IQCH: variants seen among roughly 807,000 people sequenced by gnomAD.
IQCH encodes IQ domain-containing protein H.
In IQCH, 98 loss-of-function variants were observed where a neutral mutation model predicts 117.0. That is an observed-to-expected ratio of 0.84 (90% CI 0.71 to 0.99). The LOEUF is 0.99. Ranked by LOEUF, IQCH falls within the 50% of genes least tolerant of loss-of-function variation. The pLI is 0.00. For synonymous variants in IQCH, 412 were observed against 448.2 expected (o/e 0.92, Z 1.02); for missense variants, 1,102 against 1,243.8 (o/e 0.89, Z 1.72).
intron 4 of IQCH, among the ~76,000 whole-genome samples, chr15:67,287,209 G>A (rs1966596945): frequency 6.6e-6 from 1 of 152,114 alleles, no homozygotes; most frequent in Admixed American, 6.6e-5. Flanking sequence ...TATTCATCAG[G>A]GATATTGGCC....
intron 4 of IQCH, among the ~76,000 whole-genome samples, chr15:67,309,503 T>G (rs180785540): frequency 2.0e-5 from 3 of 152,216 alleles, no homozygotes; most frequent in Admixed American, 2.0e-4. Context: ...CCCTCCTCTG[T>G]CTAGTCTCTG....
intron 10 of IQCH, among the ~76,000 whole-genome samples, chr15:67,382,087 G>A (rs968452566): frequency 6.6e-6 from 1 of 152,134 alleles, no homozygotes; most frequent in Non-Finnish European, 1.5e-5. Context: ...ATAGCTAAGA[G>A]TCTGGTTACA....
At chr15:67,281,092 C>T (rs1017136134) in intron 4 of IQCH, among the ~76,000 whole-genome samples, 1 of 152,152 alleles carries the variant, frequency 6.6e-6, no homozygotes, top group Non-Finnish European at 1.5e-5. Flanking sequence ...GATCCACCCG[C>T]CTTGGCCTCC....
rs1250285701 is a variant in IQCH at position 67,430,575 on chromosome 15, A to AT, written c.2505+9006dup. On this transcript the variant is annotated intron_variant, in intron 16 of 20. Coordinates refer to ENST00000335894, the MANE Select transcript of IQCH (RefSeq NM_001031715.3). This position sits in a 1 kb window ranked among gnomAD's most constrained non-coding sequence, Gnocchi z 5.1. The stretch of plus-strand genomic sequence containing the variant: ...CTTTAGAAAATGTACTAGGCCTTGA[A>AT]TTTTTTTTACCTCTTCATAATGTCT... Among the ~76,000 whole-genome samples, 48 of 152,040 alleles carry AT rather than the reference A, an allele frequency of 3.2e-4. No individual in the cohort carries two copies. The highest frequency in any genetic ancestry group is 2.9e-5 in the Non-Finnish European group (2 of 67,960).
intron 1 of IQCH, 180 bp downstream of exon 1, chr15:67,255,127 G>A: frequency 1.5e-6 from 1 of 649,632 alleles, no homozygotes; most frequent in Non-Finnish European, 2.8e-6. Flanking sequence ...GCACACTCCC[G>A]GTGACTTACC....
intron 10 of IQCH, among the ~76,000 whole-genome samples, chr15:67,374,456 A>T (rs1970670608): frequency 6.6e-6 from 1 of 152,218 alleles, no homozygotes; most frequent in Admixed American, 6.5e-5. Context: ...GTGTAGAAAC[A>T]TAACACATTT....
chr15:67,289,109 T>C (rs1430614358), intron 4 of IQCH, among the ~76,000 whole-genome samples: 1 of 152,022 alleles, frequency 6.6e-6, no homozygotes, highest in Non-Finnish European at 1.5e-5. Context: ...AGAGATGAGG[T>C]TGAAGAAGAG....
At chr15:67,348,347 G>T (rs999377279) in intron 6 of IQCH, among the ~76,000 whole-genome samples, 17 of 98,662 alleles carry the variant, frequency 1.7e-4, no homozygotes, top group African/African-American at 6.0e-4. Context: ...ATAGAAATTC[G>T]CAAGCCATCA....
At chr15:67,412,038 A>G (rs936201612) in intron 14 of IQCH, among the ~76,000 whole-genome samples, 5 of 152,280 alleles carry the variant, frequency 3.3e-5, no homozygotes, top group Admixed American at 3.3e-4. Context: ...AAGTGGAGGC[A>G]AGCCTGTGCA....
chr15:67,328,131 TG>T (rs1204793935), intron 4 of IQCH, among the ~76,000 whole-genome samples: 1 of 146,380 alleles, frequency 6.8e-6, no homozygotes, highest in Non-Finnish European at 1.5e-5. Flanking sequence ...GTTGGAGTTT[TG>T]TGGGGGTTTT....
At chr15:67,304,406 A>T in intron 4 of IQCH, 1 of 1,534,898 alleles carries the variant, frequency 6.5e-7, no homozygotes, top group South Asian at 1.2e-5. Flanking sequence ...GCTGCTGTAA[A>T]TGCGAACTAT....
In IQCH at chr15:67,456,573, AATCCATTTC is replaced by A. The variant is rs145983162; in HGVS notation, c.2506-8550_2506-8542del. On this transcript the variant is annotated intron_variant, in intron 16 of 20. Coordinates refer to ENST00000335894, the MANE Select transcript of IQCH (RefSeq NM_001031715.3). This position sits in a 1 kb window ranked among gnomAD's most constrained non-coding sequence, Gnocchi z 5.1. ...CCTACATCGTATCAAATGTATTAAAAATCCATTTCATCTATTCCATGAGGATAATCATGG... is the reference window on the plus strand; with the variant it reads ...CCTACATCGTATCAAATGTATTAAAAATCTATTCCATGAGGATAATCATGG... Among the ~76,000 whole-genome samples the A allele has an allele frequency of 2.3e-3, 344 of 152,290 alleles. No individual in the cohort carries two copies. Among genetic ancestry groups the A allele is most frequent in the Non-Finnish European group, 3.9e-3 (265 of 68,024 alleles).
rs112895147 is a variant in IQCH at position 67,285,760 on chromosome 15, G to A, written c.387+6248G>A. Among the ~76,000 whole-genome samples, 338 of 152,184 alleles carry A rather than the reference G, an allele frequency of 2.2e-3. 3 individuals are homozygous for A. Among genetic ancestry groups the A allele is most frequent in the African/African-American group, 7.9e-3 (327 of 41,524 alleles). On this transcript the variant is annotated intron_variant, in intron 4 of 20. Transcript: ENST00000335894. ...CAGGTTTGTCAAAGATCAGAGAGTTGTAGGTGTGCAGTCTTATTTCTGGGT... is the reference window on the plus strand; with the variant it reads ...CAGGTTTGTCAAAGATCAGAGAGTTATAGGTGTGCAGTCTTATTTCTGGGT...
At chr15:67,355,100 G>A (rs1156433015) in intron 6 of IQCH, among the ~76,000 whole-genome samples, 1 of 152,052 alleles carries the variant, frequency 6.6e-6, no homozygotes, top group Non-Finnish European at 1.5e-5. Flanking sequence ...ATGATGTTAT[G>A]CTTATTCTAA....
At chr15:67,281,978 G>A (rs1966379673) in intron 4 of IQCH, 1 of 347,934 alleles carries the variant, frequency 2.9e-6, no homozygotes, top group African/African-American at 2.1e-5. Flanking sequence ...GCCACTCTCT[G>A]AGGAGTGCTT....
chr15:67,370,962 T>C lies in IQCH; in HGVS notation c.754-1149T>C, dbSNP rs928776458. ...GGCGTAATCATTATGGATAAATTGC[T>C]GGGGGGGGTTTTCTTTGAGTTTTTT... On this transcript the variant is annotated intron_variant, in intron 8 of 20. Transcript: ENST00000335894. This position sits in a 1 kb window ranked among gnomAD's most constrained non-coding sequence, Gnocchi z 5.6. 6.8e-6 allele frequency among the ~76,000 whole-genome samples: 1 copy of C among 147,054 alleles called. No homozygotes were observed. Among genetic ancestry groups the C allele is most frequent in the African/African-American group, 2.5e-5 (1 of 39,680 alleles).
intron 4 of IQCH, among the ~76,000 whole-genome samples, chr15:67,294,469 C>A (rs1275081564): frequency 2.0e-5 from 3 of 152,180 alleles, no homozygotes; most frequent in African/African-American, 7.2e-5. Flanking sequence ...TAGTACCAAG[C>A]AGCAGTCTAC....
chr15:67,450,298 G>A (rs1272413374), intron 16 of IQCH, among the ~76,000 whole-genome samples: 1 of 152,164 alleles, frequency 6.6e-6, no homozygotes, highest in Non-Finnish European at 1.5e-5. Flanking sequence ...CCTGTCTTGT[G>A]CCTGTTTTCA....
At position 67,458,006 on chromosome 15, in the gene IQCH, G is replaced by A. The variant is rs2082699464; in HGVS notation, c.2506-7121G>A. On this transcript the variant is annotated intron_variant, in intron 16 of 20. Coordinates refer to ENST00000335894, the MANE Select transcript of IQCH (RefSeq NM_001031715.3). This position sits in a 1 kb window ranked among gnomAD's most constrained non-coding sequence, Gnocchi z 4.1. ...TAGACCTCACTTCTCACCAATCCAG[G>A]AGAATCTTGAGCCCCAGGCCCAGAA... is the stretch of plus-strand genomic sequence containing the variant. Among the ~76,000 whole-genome samples, 1 of 152,174 alleles carries A rather than the reference G, an allele frequency of 6.6e-6. No individual in the cohort carries two copies. The highest frequency in any genetic ancestry group is 2.1e-4 in the South Asian group (1 of 4,824).
Sources: gnomAD v4.1 joint callset for allele counts (sites outside exome capture counted in the v4.1 genomes callset) on GRCh38, gnomAD v4.1.1 for gene constraint, Gnocchi (gnomAD v3.1) non-coding constraint, MANE v1.5 for transcripts, NCBI Gene and HGNC (gene_info 2026-07-23, HGNC 2026-07-21) for gene names.